GLI3: variants seen among roughly 807,000 people sequenced by gnomAD.
GLI3 encodes GLI family zinc finger 3, also known as transcription activator GLI3.
In GLI3, 20 loss-of-function variants were observed where a neutral mutation model predicts 100.8. The observed-to-expected ratio is 0.20, with a 90% CI of 0.14 to 0.29. The LOEUF (loss-of-function observed/expected upper bound fraction) is 0.29, where lower values mean the gene tolerates loss of function less well. GLI3 is among the 10% of genes least tolerant of loss of function. The pLI, the probability that GLI3 is intolerant of heterozygous loss-of-function variation, is 1.00. For synonymous variants in GLI3, 938 were observed against 860.5 expected (o/e 1.09, Z -1.58); for missense variants, 2,040 against 2,128.5 (o/e 0.96, Z 0.82).
chr7:42,039,380 GGAAGT>G (rs1252438706), intron 7 of GLI3, among the ~76,000 whole-genome samples: 1 of 152,204 alleles, frequency 6.6e-6, no homozygotes, highest in African/African-American at 2.4e-5. Context: ...CTTCATGGAA[GGAAGT>G]GTCAAAACAC....
At chr7:42,212,634 T>C (rs1228870492) in intron 2 of GLI3, among the ~76,000 whole-genome samples, 5 of 152,222 alleles carry the variant, frequency 3.3e-5, no homozygotes, top group African/African-American at 9.6e-5. Flanking sequence ...GCAATCCTAA[T>C]AGACGCTAAT....
At chr7:42,059,356 G>C (rs891597878) in intron 4 of GLI3, among the ~76,000 whole-genome samples, 1 of 151,196 alleles carries the variant, frequency 6.6e-6, no homozygotes, top group Non-Finnish European at 1.5e-5. Context: ...GATTACTAGA[G>C]TTGGTAAGAA....
rs1194815991 is a variant in GLI3 at position 42,235,460 on chromosome 7, A to G, written c.-43+1511T>C. ...CCACCCGCCATGCCCAATGCGCTCA[A>G]GCTGAAACTCTTTTATTTTTAAAAG... On this transcript the variant is annotated intron_variant, in intron 1 of 14. Transcript: ENST00000395925. Among the ~76,000 whole-genome samples, 4 of 152,304 alleles carry G rather than the reference A, an allele frequency of 2.6e-5. No individual in the cohort carries two copies. The East Asian group carries it at 7.7e-4, about 29-fold the overall frequency.
At chr7:42,225,463 G>A (rs1788564478) in intron 1 of GLI3, among the ~76,000 whole-genome samples, 1 of 152,128 alleles carries the variant, frequency 6.6e-6, no homozygotes, top group South Asian at 2.1e-4. Flanking sequence ...AGCTTCAAGC[G>A]ATTCTCCTGC....
In GLI3 at chr7:42,013,400, ATT is replaced by A. The variant is rs11295289; in HGVS notation, c.1497+10066_1497+10067del. ...ATAACTAGAAAATAAGACACACCTT[ATT>A]TTTTTTTTTTGAGACAGTCTCACTC... On this transcript the variant is annotated intron_variant, in intron 10 of 14. Coordinates refer to ENST00000395925, the MANE Select transcript of GLI3 (RefSeq NM_000168.6). Among the ~76,000 whole-genome samples, 643 of 148,852 alleles carry A rather than the reference ATT, an allele frequency of 4.3e-3. 1 individual carries two copies. Among genetic ancestry groups the A allele is most frequent in the African/African-American group, 0.015 (604 of 40,706 alleles).
Position 41,978,707 on chromosome 7 carries a change from G to A in GLI3, c.1539C>T (p.Phe513=), listed in dbSNP as rs142888674. ...TTGAGCAGTCCAGCCACCTGCACACGAACTCCTTCTTCTCTCCATGAATAT... is the reference window on the plus strand; with the variant it reads ...TTGAGCAGTCCAGCCACCTGCACACAAACTCCTTCTTCTCTCCATGAATAT... ...NDHIHGEKKE[F]VCRWLDCSRE... is the part of the protein sequence containing the mutation. The change falls in exon 11 of 15, where the codon TTC becomes TTT. Residue 513 remains phenylalanine (F), a synonymous_variant. Transcript: ENST00000395925. 19 of 1,613,598 alleles carry A rather than the reference G, an allele frequency of 1.2e-5. No homozygotes were observed. The highest frequency in any genetic ancestry group is 1.6e-4 in the Middle Eastern group (1 of 6,082).
intron 2 of GLI3, among the ~76,000 whole-genome samples, chr7:42,202,062 C>A (rs914316787): frequency 2.6e-4 from 31 of 117,170 alleles, no homozygotes; most frequent in African/African-American, 1.0e-3. Flanking sequence ...AGCCTGGAGA[C>A]AGAGCAAGAC....
intron 3 of GLI3, among the ~76,000 whole-genome samples, chr7:42,140,244 T>C (rs1786534826): frequency 6.6e-6 from 1 of 152,240 alleles, no homozygotes; most frequent in Non-Finnish European, 1.5e-5. Flanking sequence ...CTCCCTTGTA[T>C]TGACTTTTCG....
At chr7:42,087,577 T>C (rs1456484995) in intron 3 of GLI3, among the ~76,000 whole-genome samples, 1 of 152,152 alleles carries the variant, frequency 6.6e-6, no homozygotes, top group Admixed American at 6.5e-5. Context: ...CACTGATGGC[T>C]CCAGTGAATT....
chr7:42,087,304 G>T (rs922000284), intron 3 of GLI3, among the ~76,000 whole-genome samples: 1 of 152,160 alleles, frequency 6.6e-6, no homozygotes, highest in Admixed American at 6.5e-5. Flanking sequence ...TTTTCTGCAT[G>T]CTTCCCATGT....
rs764694374 is a variant in GLI3 at position 41,965,566 on chromosome 7, G to A, written c.3507C>T (p.Ser1169=). The change falls in exon 15 of 15, where the codon AGC becomes AGT. Residue 1169 remains serine, a synonymous_variant. Transcript: ENST00000395925. ...TGAGCTTGGAGGAGGACAGGTCGGC[G>A]CTTCCGGAGCTGACTTCGTTCCACT... ...PIQWNEVSSG[S]ADLSSSKLKC... 1.9e-6 allele frequency: 3 copies of A among 1,604,730 alleles called. No individual in the cohort carries two copies. The highest frequency in any genetic ancestry group is 2.2e-5 in the East Asian group (1 of 44,528).
At chr7:42,125,698 A>G (rs909297764) in intron 3 of GLI3, among the ~76,000 whole-genome samples, 14 of 152,198 alleles carry the variant, frequency 9.2e-5, no homozygotes, top group Non-Finnish European at 1.8e-4. Context: ...GAGCAAAGAA[A>G]AACAATGTTC....
At chr7:42,084,571 T>G (rs922655631) in intron 3 of GLI3, among the ~76,000 whole-genome samples, 3 of 152,192 alleles carry the variant, frequency 2.0e-5, no homozygotes, top group African/African-American at 7.2e-5. Flanking sequence ...AACATTTTTG[T>G]TGTTTTCAGC....
chr7:42,249,083 A>G (rs1470350599), intron 1 of GLI3, among the ~76,000 whole-genome samples: 2 of 152,102 alleles, frequency 1.3e-5, no homozygotes, highest in Admixed American at 1.3e-4. Flanking sequence ...AGGGACAAAA[A>G]AATTCCCTTT....
intron 13 of GLI3, among the ~76,000 whole-genome samples, chr7:41,969,261 C>T (rs1352377645): frequency 6.6e-6 from 1 of 152,188 alleles, no homozygotes; most frequent in East Asian, 1.9e-4. Context: ...CATGCGTCTG[C>T]AGCGCCTTCA....
intron 14 of GLI3, 32 bp downstream of exon 14, chr7:41,967,564 T>C (rs1045641632): frequency 1.3e-6 from 2 of 1,493,394 alleles, no homozygotes; most frequent in Middle Eastern, 4.2e-4. Flanking sequence ...AAAAAAACCC[T>C]GAGCAGATGC....
intron 11 of GLI3, among the ~76,000 whole-genome samples, chr7:41,978,369 G>A (rs1326242432): frequency 1.3e-5 from 2 of 152,192 alleles, no homozygotes; most frequent in African/African-American, 4.8e-5. Flanking sequence ...CAGCAGGGTG[G>A]CCCGCTATTC....
At chr7:42,092,023 G>A (rs1390060474) in intron 3 of GLI3, among the ~76,000 whole-genome samples, 3 of 152,212 alleles carry the variant, frequency 2.0e-5, no homozygotes, top group Non-Finnish European at 2.9e-5. Context: ...TGGGAAGCAG[G>A]GCCAGTGGCG....
At chr7:41,978,785 A>G (rs1218972410) in intron 10 of GLI3, 37 bp from the exon 11 acceptor site, 1 of 1,596,498 alleles carries the variant, frequency 6.3e-7, no homozygotes, top group Non-Finnish European at 8.6e-7. Flanking sequence ...TCAAATGGAA[A>G]CGTATTCATC....
Sources: allele counts gnomAD v4.1 joint callset (sites outside exome capture counted in the v4.1 genomes callset), GRCh38; gene constraint gnomAD v4.1.1; transcripts MANE v1.5; gene names NCBI Gene and HGNC (gene_info 2026-07-23, HGNC 2026-07-21).